Variants in SCN11A observed in about 807,000 individuals in gnomAD.
SCN11A encodes the protein sodium voltage-gated channel alpha subunit 11.
A neutral mutation model predicts 162.2 loss-of-function variants in SCN11A; 122 were observed. The observed-to-expected ratio is 0.75, with a 90% CI of 0.65 to 0.87. The LOEUF (loss-of-function observed/expected upper bound fraction) is 0.87. Among genes scored for constraint, SCN11A ranks in the 40% least tolerant of loss-of-function variants. The pLI is 0.00. For synonymous variants in SCN11A, 758 were observed against 751.5 expected (o/e 1.01, Z -0.14); for missense variants, 2,015 against 2,181.6 (o/e 0.92, Z 1.52).
intron 6 of SCN11A, 36 bp downstream of exon 6, chr3:38,946,753 G>T: frequency 7.3e-7 from 1 of 1,378,396 alleles, no homozygotes; most frequent in South Asian, 1.2e-5. Flanking sequence ...CTTTTCAAAT[G>T]ATCTGGACTT....
chr3:38,902,321 A>G (rs932456323), intron 16 of SCN11A, among the ~76,000 whole-genome samples: 4 of 152,164 alleles, frequency 2.6e-5, no homozygotes, highest in African/African-American at 9.6e-5. Context: ...GTCAAGCAGC[A>G]TGGAATCTAG....
At chr3:38,954,226 G>A (rs1383037485) in intron 3 of SCN11A, among the ~76,000 whole-genome samples, 1 of 152,172 alleles carries the variant, frequency 6.6e-6, no homozygotes. Flanking sequence ...CCCTCCTCAT[G>A]AACATGTGTA....
rs1234032831 is a variant in SCN11A at position 38,850,687 on chromosome 3, C to T, written c.4121G>A (p.Ser1374Asn). ...TSQIFDIIII[S>N]LIILNMISMM... ...GCTAATCATGTTTAGGATAATGAGA[C>T]TTATGATGATGATGTCAAAGATCTG... Residue 1374 changes from serine (S) to asparagine (N), a missense_variant, in exon 29 of 30, where the codon AGT (serine) becomes AAT (asparagine). By Grantham distance (46) the Ser-to-Asn change is conservative (BLOSUM62 1). Transcript: ENST00000302328. The T allele has an allele frequency of 3.1e-6, 5 of 1,613,160 alleles. No homozygotes were observed. The African/African-American group carries it at 4.0e-5, about 13-fold the overall frequency.
intron 2 of SCN11A, among the ~76,000 whole-genome samples, chr3:38,971,079 T>C (rs138898491): frequency 3.3e-5 from 5 of 152,160 alleles, no homozygotes; most frequent in Admixed American, 6.5e-5. Context: ...AAGTGTCTGA[T>C]GTGTGTCCCT....
At chr3:39,042,155 G>C (rs960480359) in intron 1 of SCN11A, among the ~76,000 whole-genome samples, 5 of 152,058 alleles carry the variant, frequency 3.3e-5, no homozygotes, top group Non-Finnish European at 1.5e-5. Context: ...TGTAGTCCCA[G>C]GTACTCAGGA....
Position 38,926,870 on chromosome 3 carries a change from T to A in SCN11A, c.550A>T (p.Ile184Phe). ...CGAAGGAAAGAAAACTCATCCAGAA[T>A]GAAACCTCTTGCCAATATTTTAATC... is the stretch of plus-strand genomic sequence containing the variant. ...ALIKILARGF[I>F]LDEFSFLRDP... is the part of the protein sequence containing the mutation. Residue 184 changes from isoleucine (I) to phenylalanine (F), a missense_variant, in exon 8 of 30, where the codon ATT (isoleucine) becomes TTT (phenylalanine). Physicochemically the swap from Ile to Phe is conservative, Grantham distance 21 (BLOSUM62 0). Coordinates refer to ENST00000302328, the MANE Select transcript of SCN11A (RefSeq NM_001349253.2). 6.2e-7 allele frequency: 1 copy of A among 1,613,294 alleles called. No homozygotes were observed. The highest frequency in any genetic ancestry group is 1.1e-5 in the South Asian group (1 of 91,062).
chr3:38,999,107 G>C (rs1047733185), intron 2 of SCN11A, among the ~76,000 whole-genome samples: 2 of 152,120 alleles, frequency 1.3e-5, no homozygotes, highest in African/African-American at 2.4e-5. Flanking sequence ...CCTGGGAAAA[G>C]TCTACTTAAC....
At chr3:38,988,250 G>C (rs2030331655) in intron 2 of SCN11A, among the ~76,000 whole-genome samples, 1 of 151,964 alleles carries the variant, frequency 6.6e-6, no homozygotes, top group Non-Finnish European at 1.5e-5. Context: ...CAGTCTCCCT[G>C]CTTGCCTCTC....
At chr3:38,947,055 TC>T in intron 5 of SCN11A, 148 bp from the exon 6 acceptor site, 1 of 593,138 alleles carries the variant, frequency 1.7e-6, no homozygotes. Context: ...AATGGGATAC[TC>T]CAGAAGAATC....
intron 7 of SCN11A, among the ~76,000 whole-genome samples, chr3:38,936,350 G>T (rs1318258662): frequency 6.8e-6 from 1 of 147,532 alleles, no homozygotes; most frequent in Non-Finnish European, 1.5e-5. Context: ...ATTCAACATA[G>T]TGTTGGAAGT....
At position 38,960,322 on chromosome 3, in the gene SCN11A, C is replaced by A. The variant is rs760790820; in HGVS notation, c.-178G>T. On this transcript the variant is annotated 5_prime_UTR_variant, in exon 3 of 30. Transcript: ENST00000302328. ...AGGTGGCTCCAGACAGCAATCCCAG[C>A]GATACTTCTTGAAGCTCTCCACAGA... Among the ~76,000 whole-genome samples, 34 of 152,170 alleles carry A rather than the reference C, an allele frequency of 2.2e-4. No individual in the cohort carries two copies. The highest frequency in any genetic ancestry group is 1.5e-5 in the Non-Finnish European group (1 of 68,036).
At chr3:38,880,646 C>T (rs1302279622) in intron 22 of SCN11A, among the ~76,000 whole-genome samples, 1 of 152,172 alleles carries the variant, frequency 6.6e-6, no homozygotes, top group African/African-American at 2.4e-5. Flanking sequence ...ATTTACCTTA[C>T]CATTCCCTAC....
chr3:38,971,035 A>G (rs2066813389), intron 2 of SCN11A, among the ~76,000 whole-genome samples: 1 of 151,050 alleles, frequency 6.6e-6, no homozygotes, highest in South Asian at 2.1e-4. Flanking sequence ...TCAAAGCTAT[A>G]GATCCTGTTG....
At chr3:38,980,234 G>GA (rs375451497) in intron 2 of SCN11A, among the ~76,000 whole-genome samples, 58 of 144,292 alleles carry the variant, frequency 4.0e-4, no homozygotes, top group African/African-American at 9.1e-4. Flanking sequence ...CTTTCTTTGA[G>GA]AAAAAAAAAA....
rs1559551908 is a variant in SCN11A, at chr3:38,950,077, C to CCCCCCCCCCG, written c.267+18_267+19insCGGGGGGGGG. The CCCCCCCCCCG allele has an allele frequency of 6.9e-6, 1 of 145,700 alleles. No homozygotes were observed. Among genetic ancestry groups the CCCCCCCCCCG allele is most frequent in the Non-Finnish European group, 1.5e-5 (1 of 65,796 alleles). The allele number at this position is 145,700 out of a possible 1,614,324, so 9.0% of individuals were successfully genotyped here. On this transcript the variant is annotated intron_variant, in intron 5 of 29. Transcript: ENST00000302328. The stretch of plus-strand genomic sequence containing the variant: ...AGAACACCCCCACCCCCACCCCCCC[C>CCCCCCCCCCG]CCCCGCCCAATGAAGTACCTTATGA...
chr3:38,933,755 A>G (rs2066282332), intron 7 of SCN11A, among the ~76,000 whole-genome samples: 1 of 152,256 alleles, frequency 6.6e-6, no homozygotes, highest in Non-Finnish European at 1.5e-5. Context: ...TGATTGGTGT[A>G]CCTGAAAGTG....
At chr3:38,856,661 C>G (rs1037542560) in intron 28 of SCN11A, among the ~76,000 whole-genome samples, 1 of 152,142 alleles carries the variant, frequency 6.6e-6, no homozygotes, top group Admixed American at 6.5e-5. Context: ...CTCAGGGATA[C>G]CTTCTCTATT....
At chr3:39,012,411 CCTTG>C (rs1575358367) in intron 2 of SCN11A, among the ~76,000 whole-genome samples, 1 of 151,384 alleles carries the variant, frequency 6.6e-6, no homozygotes, top group East Asian at 1.9e-4. Context: ...TTCCTTCCTT[CCTTG>C]CTCTTTCTTT....
intron 2 of SCN11A, among the ~76,000 whole-genome samples, chr3:39,010,615 T>G (rs986076876): frequency 1.8e-4 from 27 of 152,106 alleles, no homozygotes; most frequent in Admixed American, 1.8e-3. Context: ...CCTGACCTCA[T>G]GATCCACCCG....
Sources: allele counts gnomAD v4.1 joint callset (sites outside exome capture counted in the v4.1 genomes callset), GRCh38; gene constraint gnomAD v4.1.1; transcripts MANE v1.5; gene names NCBI Gene and HGNC (gene_info 2026-07-23, HGNC 2026-07-21).